PRELID2: variants seen among roughly 807,000 people sequenced by gnomAD.
The protein encoded by PRELID2 is PRELI domain containing 2.
In PRELID2, 25 loss-of-function variants were observed where a neutral mutation model predicts 28.4. The observed-to-expected ratio is 0.88, with a 90% CI of 0.64 to 1.23. The LOEUF is 1.23. Among genes scored for constraint, PRELID2 ranks in the 50% most tolerant of loss-of-function variants. PRELID2 has a pLI of 0.00. For missense variants in PRELID2, 201 were observed against 214.4 expected, an observed-to-expected ratio of 0.94 and a Z score of 0.39; for synonymous variants, 76 against 71.6, an observed-to-expected ratio of 1.06 and a Z score of -0.31.
intron 1 of PRELID2, among the ~76,000 whole-genome samples, chr5:145,509,454 C>T (rs1358366089): frequency 6.6e-6 from 1 of 152,194 alleles, no homozygotes; most frequent in African/African-American, 2.4e-5. Context: ...CAAGGTCACC[C>T]AGGCTGCCCT....
Position 145,720,289 on chromosome 5 carries a change from C to A in PRELID2, n.70+44642G>T, listed in dbSNP as rs186769982. On this transcript the variant is annotated intron_variant and non_coding_transcript_variant, in intron 1 of 2. Transcript: ENST00000510259. Reference sequence around the variant, plus strand: ...GAAAATTCACCCTCAGTAGTCAACCCTCAGATATATTCCAGTAAAATTATG... The same window carrying A: ...GAAAATTCACCCTCAGTAGTCAACCATCAGATATATTCCAGTAAAATTATG... Among the ~76,000 whole-genome samples, 409 of 151,408 alleles carry A rather than the reference C, an allele frequency of 2.7e-3. 2 individuals are homozygous for A. The highest frequency in any genetic ancestry group is 9.1e-3 in the African/African-American group (377 of 41,416).
chr5:145,327,309 T>C, the PRELID2 span, among the ~76,000 whole-genome samples: 1 of 152,070 alleles, frequency 6.6e-6, no homozygotes, highest in Non-Finnish European at 1.5e-5. Flanking sequence ...TGATGTTGAG[T>C]GCATATTTAT....
intron 1 of PRELID2, among the ~76,000 whole-genome samples, chr5:145,535,217 TG>T (rs1175005082): frequency 1.3e-5 from 2 of 152,012 alleles, no homozygotes; most frequent in Non-Finnish European, 2.9e-5. Context: ...CTCTATGCAC[TG>T]TTTCATCTTT....
chr5:145,766,005 C>G (rs338897), intron 5 of PRELID2, among the ~76,000 whole-genome samples: 118,622 of 152,100 alleles, frequency 0.78, 47,725 homozygotes, highest in East Asian at 0.97. Flanking sequence ...CTGTCCATAC[C>G]CACCTATCTA....
the PRELID2 span, among the ~76,000 whole-genome samples, chr5:145,331,058 T>C: frequency 1.3e-5 from 2 of 152,224 alleles, no homozygotes; most frequent in Admixed American, 1.3e-4. Flanking sequence ...GACCAGGTTG[T>C]TCAGTTTCTA....
intron 1 of PRELID2, among the ~76,000 whole-genome samples, chr5:145,722,227 G>A (rs562814134): frequency 5.9e-5 from 9 of 152,024 alleles, no homozygotes; most frequent in Non-Finnish European, 8.8e-5. Context: ...AAATATTACC[G>A]ACAACACTCT....
At chr5:145,359,607 T>A in the PRELID2 span, among the ~76,000 whole-genome samples, 6 of 152,196 alleles carry the variant, frequency 3.9e-5, no homozygotes, top group Non-Finnish European at 8.8e-5. Context: ...ATCCATTTGC[T>A]CCTCTACTAT....
chr5:145,667,191 T>C (rs1754611748), intron 1 of PRELID2, among the ~76,000 whole-genome samples: 1 of 152,120 alleles, frequency 6.6e-6, no homozygotes, highest in Non-Finnish European at 1.5e-5. Flanking sequence ...TATTAGCCTT[T>C]GAGTGGGTTA....
the PRELID2 span, among the ~76,000 whole-genome samples, chr5:145,385,744 A>G: frequency 6.6e-6 from 1 of 152,196 alleles, no homozygotes; most frequent in East Asian, 1.9e-4. Context: ...GTTCTTTAGA[A>G]GTGGACTTAT....
chr5:145,696,664 A>T (rs905599663), intron 1 of PRELID2, among the ~76,000 whole-genome samples: 1 of 151,786 alleles, frequency 6.6e-6, no homozygotes, highest in Non-Finnish European at 1.5e-5. Flanking sequence ...GAGTTGCACC[A>T]TGTCGCCCAG....
At chr5:145,441,166 T>G in the PRELID2 span, 1 of 152,088 alleles carries the variant, frequency 6.6e-6, no homozygotes, top group South Asian at 2.1e-4. Flanking sequence ...TGACTCAGTT[T>G]AAATGATGTG....
chr5:145,601,033 G>A (rs943783010), intron 1 of PRELID2, among the ~76,000 whole-genome samples: 1 of 152,064 alleles, frequency 6.6e-6, no homozygotes, highest in African/African-American at 2.4e-5. Context: ...AAGCATGCCT[G>A]TAGTCCTAAC....
In PRELID2 at chr5:145,676,236, A is replaced by AT. The variant is rs1378979594; in HGVS notation, n.70+88694_70+88695insA. 3.8e-3 allele frequency among the ~76,000 whole-genome samples: 570 copies of AT among 149,302 alleles called. 3 individuals carry two copies. Among genetic ancestry groups the AT allele is most frequent in the Non-Finnish European group, 7.0e-3 (475 of 67,518 alleles). ...ACTCCATCTCAAAAAAAAAAAAAAA[A>AT]AAAAAATAATGTGTCTCATTGTTTG... On this transcript the variant is annotated intron_variant and non_coding_transcript_variant, in intron 1 of 2. Transcript: ENST00000510259.
intron 1 of PRELID2, among the ~76,000 whole-genome samples, chr5:145,527,385 G>T (rs1752617355): frequency 6.6e-6 from 1 of 152,078 alleles, no homozygotes; most frequent in Admixed American, 6.6e-5. Flanking sequence ...TATGCAAGAG[G>T]TTACCAGTCA....
chr5:145,531,387 T>A (rs1167289664), intron 1 of PRELID2, among the ~76,000 whole-genome samples: 1 of 152,208 alleles, frequency 6.6e-6, no homozygotes, highest in Non-Finnish European at 1.5e-5. Flanking sequence ...TTCTGGCTAG[T>A]GTCAAAAGCT....
chr5:145,684,310 A>G (rs1433884418), intron 1 of PRELID2, among the ~76,000 whole-genome samples: 1 of 152,210 alleles, frequency 6.6e-6, no homozygotes, highest in East Asian at 1.9e-4. Flanking sequence ...CGCAATCAGA[A>G]TAAACTCTTC....
chr5:145,818,239 T>C (rs1354715444), intron 3 of PRELID2, among the ~76,000 whole-genome samples, 185 bp from the exon 4 acceptor site: 2 of 152,130 alleles, frequency 1.3e-5, no homozygotes, highest in African/African-American at 2.4e-5. Flanking sequence ...TAAGTGCTGG[T>C]GAGGACATGC....
At chr5:145,493,100 T>A (rs1164910987) in intron 1 of PRELID2, among the ~76,000 whole-genome samples, 1 of 140,558 alleles carries the variant, frequency 7.1e-6, no homozygotes, top group Non-Finnish European at 1.6e-5. Flanking sequence ...GTGCCTTTTA[T>A]TGGGCTACAG....
chr5:145,250,861 A>C, the PRELID2 span, among the ~76,000 whole-genome samples: 1 of 152,260 alleles, frequency 6.6e-6, no homozygotes, highest in East Asian at 1.9e-4. Flanking sequence ...GGATACTATA[A>C]TAACAGTTCA....
Sources: gnomAD v4.1 joint callset for allele counts (sites outside exome capture counted in the v4.1 genomes callset) on GRCh38, gnomAD v4.1.1 for gene constraint, MANE v1.5 for transcripts, NCBI Gene and HGNC (gene_info 2026-07-23, HGNC 2026-07-21) for gene names.